The following NPSR1 variants were observed in gnomAD, a reference collection of about 807,000 sequenced individuals.
The protein encoded by NPSR1 is neuropeptide S receptor.
In NPSR1, 48 loss-of-function variants were observed where a neutral mutation model predicts 46.9. That is an observed-to-expected ratio of 1.02 (90% confidence interval 0.81 to 1.30). The LOEUF (loss-of-function observed/expected upper bound fraction) is 1.30, where lower values mean the gene tolerates loss of function less well. Ranked by LOEUF, NPSR1 falls within the 50% of genes most tolerant of loss-of-function variation. NPSR1 has a pLI of 0.00. For synonymous variants in NPSR1, 176 were observed against 168.1 expected (o/e 1.05, Z -0.36); for missense variants, 450 against 449.5 (o/e 1.00, Z -0.01).
chr7:34,758,451 T>C (rs1404650335), intron 2 of NPSR1, among the ~76,000 whole-genome samples: 1 of 152,210 alleles, frequency 6.6e-6, no homozygotes, highest in East Asian at 1.9e-4. Flanking sequence ...CTTCTCAATA[T>C]AACAGCAGCC....
chr7:34,793,725 A>G (rs1282639104), intron 3 of NPSR1, among the ~76,000 whole-genome samples: 2 of 152,266 alleles, frequency 1.3e-5, no homozygotes, highest in East Asian at 3.9e-4. Flanking sequence ...ATGGGTATAA[A>G]CCCAAAAGTA....
chr7:34,860,477 A>G (rs1350420780), intron 8 of NPSR1, among the ~76,000 whole-genome samples: 1 of 151,966 alleles, frequency 6.6e-6, no homozygotes, highest in Non-Finnish European at 1.5e-5. Flanking sequence ...TTGTATGAAA[A>G]TAACTATTTT....
intron 4 of NPSR1, among the ~76,000 whole-genome samples, chr7:34,827,101 A>G (rs911709112): frequency 2.6e-5 from 4 of 152,174 alleles, no homozygotes; most frequent in African/African-American, 9.7e-5. Flanking sequence ...TGAGCTCCCT[A>G]ATACTGCAGG....
At chr7:34,714,034 C>T (rs890270825) in intron 2 of NPSR1, among the ~76,000 whole-genome samples, 2 of 152,234 alleles carry the variant, frequency 1.3e-5, no homozygotes, top group African/African-American at 2.4e-5. Context: ...AGTGAGGTGG[C>T]TCATCTTTTC....
At chr7:34,706,345 C>T (rs1794106972) in intron 2 of NPSR1, among the ~76,000 whole-genome samples, 1 of 141,624 alleles carries the variant, frequency 7.1e-6, no homozygotes, top group Non-Finnish European at 1.5e-5. Flanking sequence ...TTATTTTAAT[C>T]TTATCTTCAG....
downstream of NPSR1, among the ~76,000 whole-genome samples, chr7:34,850,689 C>T (rs879724023): frequency 3.3e-5 from 5 of 152,008 alleles, no homozygotes; most frequent in Non-Finnish European, 5.9e-5. Context: ...CATGAGCCAC[C>T]GCGCCCGGCC....
intron 5 of NPSR1, among the ~76,000 whole-genome samples, chr7:34,830,087 C>A (rs1450206552): frequency 2.0e-5 from 3 of 152,244 alleles, no homozygotes; most frequent in African/African-American, 7.2e-5. Flanking sequence ...CAAGACCAGG[C>A]CCTGGGGGGG....
At chr7:34,759,179 T>C (rs1056180844) in intron 2 of NPSR1, among the ~76,000 whole-genome samples, 1 of 152,226 alleles carries the variant, frequency 6.6e-6, no homozygotes, top group Non-Finnish European at 1.5e-5. Flanking sequence ...CTGACAAGTA[T>C]TTTAAGAGTA....
At position 34,727,880 on chromosome 7, in the gene NPSR1, C is replaced by T. The variant is rs324380; in HGVS notation, c.280+43196C>T. On this transcript the variant is annotated intron_variant, in intron 2 of 8. Transcript: ENST00000360581. ...GTGTAACTGCCATTCTCCCAAAGAT[C>T]GTTATTGAAATAATATAACATAAAA... is the stretch of plus-strand genomic sequence containing the variant. Among the ~76,000 whole-genome samples, 1,155 of 151,874 alleles carry T rather than the reference C, an allele frequency of 7.6e-3. 15 individuals carry two copies. The highest frequency in any genetic ancestry group is 0.026 in the African/African-American group (1,077 of 41,412).
intron 3 of NPSR1, among the ~76,000 whole-genome samples, chr7:34,784,826 A>G (rs1025375323): frequency 7.9e-5 from 12 of 152,292 alleles, no homozygotes; most frequent in African/African-American, 2.9e-4. Context: ...CAAAACCACA[A>G]TGAGATACCA....
intron 2 of NPSR1, among the ~76,000 whole-genome samples, chr7:34,702,631 A>G (rs1332697243): frequency 1.3e-5 from 2 of 152,196 alleles, no homozygotes; most frequent in Admixed American, 6.5e-5. Context: ...GCAGTGATCC[A>G]TTGGATGATT....
chr7:34,750,120 G>A, intron 2 of NPSR1: 2 of 279,432 alleles, frequency 7.2e-6, no homozygotes, highest in African/African-American at 2.5e-5. Context: ...TTTAAAGATC[G>A]TGTATGTATT....
At chr7:34,695,215 G>A (rs968896084) in intron 2 of NPSR1, among the ~76,000 whole-genome samples, 6 of 152,098 alleles carry the variant, frequency 3.9e-5, no homozygotes, top group Admixed American at 6.5e-5. Context: ...AAACAATATG[G>A]AAAGGACACC....
intron 1 of NPSR1, among the ~76,000 whole-genome samples, chr7:34,659,223 G>A (rs1352778646): frequency 3.3e-5 from 5 of 152,124 alleles, no homozygotes; most frequent in African/African-American, 9.7e-5. Flanking sequence ...TTCTTATTCC[G>A]CAACAAGATC....
intron 3 of NPSR1, among the ~76,000 whole-genome samples, chr7:34,785,531 TA>T (rs888149260): frequency 2.6e-5 from 4 of 150,998 alleles, no homozygotes; most frequent in Admixed American, 1.3e-4. Context: ...TAAAGTATAA[TA>T]AAAAAAGAAA....
chr7:34,818,564 A>G (rs565808334), intron 4 of NPSR1, among the ~76,000 whole-genome samples: 1 of 152,294 alleles, frequency 6.6e-6, no homozygotes, highest in South Asian at 2.1e-4. Context: ...ATTGGAAAAA[A>G]CTACTTTAAA....
At chr7:34,878,316 G>A (rs1791623998) in exon 9 of NPSR1, 1 of 509,522 alleles carries the variant, frequency 2.0e-6, no homozygotes, top group African/African-American at 2.0e-5. Flanking sequence ...ACCAGGGAGG[G>A]CTATAAGAAG....
intron 5 of NPSR1, among the ~76,000 whole-genome samples, chr7:34,829,900 T>C (rs1235531712): frequency 6.6e-6 from 1 of 152,228 alleles, no homozygotes; most frequent in East Asian, 1.9e-4. Context: ...GTGACGGTCA[T>C]GAAAACTCAG....
intron 6 of NPSR1, among the ~76,000 whole-genome samples, chr7:34,844,510 T>G (rs1790679947): frequency 6.6e-6 from 1 of 152,110 alleles, no homozygotes; most frequent in Admixed American, 6.5e-5. Flanking sequence ...AGAAAGTAAC[T>G]TTGCCTAGGT....
Sources: gnomAD v4.1 joint callset for allele counts (sites outside exome capture counted in the v4.1 genomes callset) on GRCh38, gnomAD v4.1.1 for gene constraint, MANE v1.5 for transcripts, NCBI Gene and HGNC (gene_info 2026-07-23, HGNC 2026-07-21) for gene names.